The following TMEM178B variants were observed in gnomAD, a reference collection of about 807,000 sequenced individuals.
TMEM178B encodes transmembrane protein 178B.
A neutral mutation model predicts 31.0 loss-of-function variants in TMEM178B; 5 were observed. The ratio of observed to expected loss-of-function variants is 0.16; its 90% CI spans 0.08 to 0.34. The LOEUF (loss-of-function observed/expected upper bound fraction) is 0.34, where lower values mean the gene tolerates loss of function less well. TMEM178B is among the 10% of genes least tolerant of loss of function. The pLI is 1.00. For synonymous variants in TMEM178B, 164 were observed against 164.0 expected (o/e 1.00, Z 0.00); for missense variants, 275 against 400.3 (o/e 0.69, Z 2.67).
At chr7:141,322,440 CA>C (rs1484591560) in intron 2 of TMEM178B, among the ~76,000 whole-genome samples, 1 of 151,808 alleles carries the variant, frequency 6.6e-6, no homozygotes. Flanking sequence ...GAGGCTGAAG[CA>C]GGAGAATCCC....
chr7:141,246,526 G>A (rs887053930), intron 2 of TMEM178B, among the ~76,000 whole-genome samples: 3 of 152,200 alleles, frequency 2.0e-5, no homozygotes, highest in Admixed American at 6.5e-5. Context: ...AAGACACTTT[G>A]TAGCCTATAT....
intron 2 of TMEM178B, among the ~76,000 whole-genome samples, chr7:141,303,178 G>A (rs916875741): frequency 1.3e-5 from 2 of 152,114 alleles, no homozygotes; most frequent in Admixed American, 6.5e-5. Context: ...GGGGATGTTA[G>A]CCTGTCTTTG....
intron 2 of TMEM178B, among the ~76,000 whole-genome samples, chr7:141,410,771 T>C (rs948387635): frequency 1.3e-5 from 2 of 152,204 alleles, no homozygotes; most frequent in Non-Finnish European, 2.9e-5. Context: ...GTGTATATCA[T>C]GCAATCTCTT....
chr7:141,189,080 T>C (rs1355282537), intron 1 of TMEM178B, among the ~76,000 whole-genome samples: 1 of 152,226 alleles, frequency 6.6e-6, no homozygotes, highest in Non-Finnish European at 1.5e-5. Flanking sequence ...GAAGCCATGT[T>C]TCATCTTTCA....
chr7:141,129,942 G>A (rs1795567119), intron 1 of TMEM178B, among the ~76,000 whole-genome samples: 1 of 152,188 alleles, frequency 6.6e-6, no homozygotes, highest in Admixed American at 6.5e-5. Context: ...GAAAGGAAAT[G>A]TTCAGATTAA....
intron 2 of TMEM178B, among the ~76,000 whole-genome samples, chr7:141,262,474 A>ATATATATATATATATATATAT (rs1798028077): frequency 7.6e-6 from 1 of 131,866 alleles, no homozygotes; most frequent in African/African-American, 2.9e-5. Context: ...AAATACATAT[A>ATATATATATATATATATATAT]ATATATATAT....
chr7:141,355,327 G>A (rs1244488101), intron 2 of TMEM178B, among the ~76,000 whole-genome samples: 1 of 152,188 alleles, frequency 6.6e-6, no homozygotes, highest in Non-Finnish European at 1.5e-5. Flanking sequence ...ACAGAGCCAT[G>A]ACCAGTCAGG....
intron 3 of TMEM178B, among the ~76,000 whole-genome samples, chr7:141,452,521 A>G (rs1204960784): frequency 1.3e-5 from 2 of 151,932 alleles, no homozygotes; most frequent in African/African-American, 4.8e-5. Flanking sequence ...CCTTTGCAAT[A>G]TTGTTTGCAG....
intron 2 of TMEM178B, among the ~76,000 whole-genome samples, chr7:141,371,675 C>T (rs1362883037): frequency 1.3e-5 from 2 of 152,172 alleles, no homozygotes; most frequent in Non-Finnish European, 2.9e-5. Context: ...GACACCAGAA[C>T]ACTAAAGGTC....
At chr7:141,452,850 T>C (rs1484573596) in intron 3 of TMEM178B, among the ~76,000 whole-genome samples, 1 of 152,224 alleles carries the variant, frequency 6.6e-6, no homozygotes, top group Non-Finnish European at 1.5e-5. Flanking sequence ...ATCATTTCTC[T>C]GGTGAAAAAA....
intron 1 of TMEM178B, among the ~76,000 whole-genome samples, chr7:141,101,679 G>A (rs1416055395): frequency 6.6e-6 from 1 of 152,182 alleles, no homozygotes. Flanking sequence ...AATACATGCA[G>A]CATATTGTGG....
intron 2 of TMEM178B, among the ~76,000 whole-genome samples, chr7:141,313,057 T>C (rs996743653): frequency 1.4e-4 from 21 of 152,198 alleles, no homozygotes; most frequent in Non-Finnish European, 2.6e-4. Flanking sequence ...CTATTCTAGA[T>C]GGAGTTGCTC....
chr7:141,348,550 A>G (rs1346101321), intron 2 of TMEM178B, among the ~76,000 whole-genome samples: 1 of 152,200 alleles, frequency 6.6e-6, no homozygotes, highest in African/African-American at 2.4e-5. Context: ...AAATTAGTTA[A>G]TCTAATTTAG....
intron 1 of TMEM178B, among the ~76,000 whole-genome samples, chr7:141,118,797 C>T (rs1795364613): frequency 6.6e-6 from 1 of 152,166 alleles, no homozygotes; most frequent in African/African-American, 2.4e-5. Context: ...AGAAAGGGTA[C>T]TGAAGAAATC....
At chr7:141,342,038 C>CCTGGGTTCCAGTGATTCA (rs1799524779) in intron 2 of TMEM178B, among the ~76,000 whole-genome samples, 1 of 152,352 alleles carries the variant, frequency 6.6e-6, no homozygotes, top group Middle Eastern at 3.4e-3. Flanking sequence ...ACCTCCGCCT[C>CCTGGGTTCCAGTGATTCA]CTGGGTTCCA....
chr7:141,434,312 G>A (rs886261849), intron 2 of TMEM178B, among the ~76,000 whole-genome samples: 2 of 152,168 alleles, frequency 1.3e-5, no homozygotes, highest in African/African-American at 2.4e-5. Context: ...AACAGTACAG[G>A]CCTTCCAATG....
At chr7:141,083,708 G>A (rs543327863) in intron 1 of TMEM178B, among the ~76,000 whole-genome samples, 1 of 152,136 alleles carries the variant, frequency 6.6e-6, no homozygotes, top group Non-Finnish European at 1.5e-5. Context: ...GAAAGGTGAT[G>A]ACAGATGCAC....
chr7:141,337,842 A>G (rs1563155605), intron 2 of TMEM178B, among the ~76,000 whole-genome samples: 3 of 146,836 alleles, frequency 2.0e-5, no homozygotes, highest in Non-Finnish European at 4.5e-5. Flanking sequence ...AAATGGTTTG[A>G]TTTTTTTTTT....
chr7:141,464,716 C>T (rs753313781), intron 3 of TMEM178B, among the ~76,000 whole-genome samples: 24 of 152,068 alleles, frequency 1.6e-4, no homozygotes, highest in African/African-American at 3.6e-4. Context: ...CATACTAGGG[C>T]GCCCACAGCC....
Sources: gnomAD v4.1 joint callset for allele counts (sites outside exome capture counted in the v4.1 genomes callset) on GRCh38, gnomAD v4.1.1 for gene constraint, MANE v1.5 for transcripts, NCBI Gene and HGNC (gene_info 2026-07-23, HGNC 2026-07-21) for gene names.